Variants in KCNQ3 observed in about 807,000 individuals in gnomAD.
KCNQ3 encodes potassium voltage-gated channel subfamily Q member 3.
In KCNQ3, 30 loss-of-function variants were observed where a neutral mutation model predicts 92.5. That is an observed-to-expected ratio of 0.32 (90% confidence interval 0.24 to 0.44). KCNQ3 has a LOEUF of 0.44. Ranked by LOEUF, KCNQ3 falls within the 20% of genes least tolerant of loss-of-function variation. The probability of loss-of-function intolerance (pLI) is 1.00; values close to 1 mark genes in which losing one functional copy is unlikely to be tolerated. For synonymous variants in KCNQ3, 450 were observed against 468.8 expected (o/e 0.96, Z 0.52); for missense variants, 913 against 1,140.3 (o/e 0.80, Z 2.87).
intron 1 of KCNQ3, among the ~76,000 whole-genome samples, chr8:132,259,922 C>A (rs1168422512): frequency 6.6e-6 from 1 of 151,870 alleles, no homozygotes; most frequent in African/African-American, 2.4e-5. Context: ...AAAAACATCC[C>A]CAAAGGAATA....
chr8:132,302,014 T>C (rs137956491), intron 1 of KCNQ3, among the ~76,000 whole-genome samples: 120 of 152,252 alleles, frequency 7.9e-4, no homozygotes, highest in African/African-American at 2.8e-3. Flanking sequence ...GGGAAGCTTC[T>C]AAAGGAAGTG....
intron 1 of KCNQ3, among the ~76,000 whole-genome samples, chr8:132,227,212 C>T (rs1452500269): frequency 6.6e-6 from 1 of 151,920 alleles, no homozygotes; most frequent in South Asian, 2.1e-4. Flanking sequence ...CAGGCACGTG[C>T]CCCAACACCC....
At chr8:132,158,666 C>G (rs763520824) in intron 9 of KCNQ3, among the ~76,000 whole-genome samples, 1 of 152,190 alleles carries the variant, frequency 6.6e-6, no homozygotes, top group Non-Finnish European at 1.5e-5. Context: ...GCTTTGTGAC[C>G]TTCTGCAAGT....
intron 1 of KCNQ3, among the ~76,000 whole-genome samples, chr8:132,355,024 A>G (rs1440197853): frequency 6.6e-6 from 1 of 152,178 alleles, no homozygotes; most frequent in African/African-American, 2.4e-5. Flanking sequence ...GACCAGTTCT[A>G]TAACAGTCCT....
intron 1 of KCNQ3, among the ~76,000 whole-genome samples, chr8:132,248,909 G>A (rs184682271): frequency 3.5e-4 from 53 of 152,322 alleles, no homozygotes; most frequent in African/African-American, 5.8e-4. Flanking sequence ...TGGTGTGTCC[G>A]GAATTGGTGG....
At chr8:132,277,791 T>C (rs147832802) in intron 1 of KCNQ3, among the ~76,000 whole-genome samples, 283 of 152,210 alleles carry the variant, frequency 1.9e-3, no homozygotes, top group African/African-American at 6.8e-3. Flanking sequence ...CTGAGTTCAA[T>C]ACCTTTCAGA....
chr8:132,394,216 G>C (rs1820131054), intron 1 of KCNQ3, among the ~76,000 whole-genome samples: 1 of 152,220 alleles, frequency 6.6e-6, no homozygotes. Context: ...GCAAGTAAAT[G>C]ACAGGTGTCC....
chr8:132,204,409 T>C (rs569829991), intron 1 of KCNQ3, among the ~76,000 whole-genome samples: 3 of 152,334 alleles, frequency 2.0e-5, no homozygotes, highest in Admixed American at 1.3e-4. Flanking sequence ...TGTCCATTTT[T>C]CCTTTGAAAT....
intron 1 of KCNQ3, among the ~76,000 whole-genome samples, chr8:132,442,444 G>A (rs966676243): frequency 6.6e-6 from 1 of 152,144 alleles, no homozygotes; most frequent in Non-Finnish European, 1.5e-5. Flanking sequence ...AAACTCCATG[G>A]AGCTGCAGAA....
chr8:132,262,459 T>A (rs999797376), intron 1 of KCNQ3, among the ~76,000 whole-genome samples: 11 of 152,092 alleles, frequency 7.2e-5, no homozygotes, highest in African/African-American at 2.7e-4. Flanking sequence ...TTTAATGCAA[T>A]AACATCTCGA....
Position 132,172,698 on chromosome 8 carries a change from A to AG in KCNQ3, c.1045-6dup. On this transcript the variant is annotated splice_region_variant and splice_polypyrimidine_tract_variant and intron_variant, in intron 6 of 14. Transcript: ENST00000388996. ...CAGCCCGGACCCCAGGATGCCCTGGAGGGAGAGGCAGGCAGGCAGTCAGCC... is the reference window on the plus strand; with the variant it reads ...CAGCCCGGACCCCAGGATGCCCTGGAGGGGAGAGGCAGGCAGGCAGTCAGCC... 1 of 1,609,382 alleles carries AG rather than the reference A, an allele frequency of 6.2e-7. No homozygotes were observed. The highest frequency in any genetic ancestry group is 8.5e-7 in the Non-Finnish European group (1 of 1,176,768).
chr8:132,335,242 C>T (rs553041146), intron 1 of KCNQ3, among the ~76,000 whole-genome samples: 5 of 152,094 alleles, frequency 3.3e-5, no homozygotes, highest in South Asian at 4.2e-4. Flanking sequence ...GGTTTCACCA[C>T]GGTGGCCAGC....
At chr8:132,445,062 A>G (rs1821639751) in intron 1 of KCNQ3, among the ~76,000 whole-genome samples, 1 of 152,162 alleles carries the variant, frequency 6.6e-6, no homozygotes, top group Non-Finnish European at 1.5e-5. Flanking sequence ...GATCAATATC[A>G]CCTTGTAATT....
Position 132,128,629 on chromosome 8 carries a change from T to C in KCNQ3, c.*633A>G, listed in dbSNP as rs1024342797. 6 of 153,162 alleles carry C rather than the reference T, an allele frequency of 3.9e-5. No individual in the cohort carries two copies. Among genetic ancestry groups the C allele is most frequent in the African/African-American group, 1.2e-4 (5 of 41,316 alleles). 9.5% of individuals were successfully genotyped at this position (153,162 alleles called of 1,614,324 possible). The stretch of plus-strand genomic sequence containing the variant: ...TTTTACAGATAAGGAAACTGAGGCA[T>C]GATACTAAGTAACATCAGGCCAAGT... On this transcript the variant is annotated 3_prime_UTR_variant, in exon 15 of 15. Coordinates refer to ENST00000388996, the MANE Select transcript of KCNQ3 (RefSeq NM_004519.4).
chr8:132,247,919 C>G (rs1823984829), intron 1 of KCNQ3, among the ~76,000 whole-genome samples: 1 of 152,064 alleles, frequency 6.6e-6, no homozygotes, highest in African/African-American at 2.4e-5. Flanking sequence ...GTTTTAAGCA[C>G]TTGACGAATG....
intron 1 of KCNQ3, among the ~76,000 whole-genome samples, chr8:132,285,352 T>C (rs1336399041): frequency 1.3e-5 from 2 of 152,316 alleles, no homozygotes; most frequent in East Asian, 3.9e-4. Context: ...GTAAAGGCCA[T>C]TTTTATGAGA....
intron 1 of KCNQ3, among the ~76,000 whole-genome samples, chr8:132,438,776 C>T (rs1411236094): frequency 6.6e-6 from 1 of 151,770 alleles, no homozygotes; most frequent in Non-Finnish European, 1.5e-5. Flanking sequence ...GGATAGCTGC[C>T]GTGTGTTGTT....
chr8:132,299,694 G>A (rs1284672420), intron 1 of KCNQ3, among the ~76,000 whole-genome samples: 1 of 152,186 alleles, frequency 6.6e-6, no homozygotes, highest in Non-Finnish European at 1.5e-5. Flanking sequence ...ACATGCCCTG[G>A]TTTTGGAAAA....
chr8:132,425,660 C>T (rs1012369682), intron 1 of KCNQ3, among the ~76,000 whole-genome samples: 8 of 152,238 alleles, frequency 5.3e-5, no homozygotes, highest in East Asian at 1.9e-4. Flanking sequence ...TTTACATGCA[C>T]GCAGGAAGTT....
Sources: gnomAD v4.1 joint callset for allele counts (sites outside exome capture counted in the v4.1 genomes callset) on GRCh38, gnomAD v4.1.1 for gene constraint, MANE v1.5 for transcripts, NCBI Gene and HGNC (gene_info 2026-07-23, HGNC 2026-07-21) for gene names.